DLGAP1: variants seen among roughly 807,000 people sequenced by gnomAD.
DLGAP1 encodes disks large-associated protein 1.
In DLGAP1, 11 loss-of-function variants were observed where a neutral mutation model predicts 90.8. The observed-to-expected ratio is 0.12, with a 90% confidence interval of 0.08 to 0.20. The LOEUF (loss-of-function observed/expected upper bound fraction) is 0.20. Ranked by LOEUF, DLGAP1 falls within the 10% of genes least tolerant of loss-of-function variation. The pLI is 1.00. For missense variants in DLGAP1, 1,050 were observed against 1,333.8 expected (o/e 0.79, Z 3.31); for synonymous variants, 558 against 540.7 (o/e 1.03, Z -0.44).
Position 3,526,327 on chromosome 18 carries a change from C to G in DLGAP1, c.2479+7867G>C, listed in dbSNP as rs2051615206. On this transcript the variant is annotated intron_variant, in intron 10 of 12. Coordinates refer to ENST00000315677, the MANE Select transcript of DLGAP1 (RefSeq NM_004746.4). The surrounding 1 kb of genome is among the most constrained non-coding windows in gnomAD (Gnocchi z 4.7). ...GCCGCAGAGACACAGCAGAGGCAAT[C>G]CCAGGCGGATAAACCCTGGGTGATG... Among the ~76,000 whole-genome samples the G allele has an allele frequency of 6.6e-6, 1 of 152,180 alleles. No individual in the cohort carries two copies. Among genetic ancestry groups the G allele is most frequent in the Admixed American group, 6.5e-5 (1 of 15,270 alleles).
At chr18:4,247,102 G>C (rs1362039935) in intron 1 of DLGAP1, among the ~76,000 whole-genome samples, 1 of 152,122 alleles carries the variant, frequency 6.6e-6, no homozygotes, top group Non-Finnish European at 1.5e-5. Flanking sequence ...AGGGAAGGAG[G>C]AGGAGAAGGA....
At chr18:4,113,911 A>G (rs780670979) in intron 2 of DLGAP1, among the ~76,000 whole-genome samples, 4 of 152,132 alleles carry the variant, frequency 2.6e-5, no homozygotes, top group Non-Finnish European at 4.4e-5. Flanking sequence ...GTCAAAGATC[A>G]GATGTCTGTA....
At chr18:3,715,436 A>G (rs1455140208) in intron 7 of DLGAP1, among the ~76,000 whole-genome samples, 1 of 152,210 alleles carries the variant, frequency 6.6e-6, no homozygotes, top group African/African-American at 2.4e-5. Flanking sequence ...TGTACGAGAA[A>G]GCATTATCCT....
intron 1 of DLGAP1, among the ~76,000 whole-genome samples, chr18:4,151,676 T>C (rs1274488780): frequency 1.3e-5 from 2 of 152,224 alleles, no homozygotes; most frequent in African/African-American, 4.8e-5. Context: ...ACAGTACAAC[T>C]AAGCCAGTGT....
intron 3 of DLGAP1, among the ~76,000 whole-genome samples, chr18:3,955,196 GCTCAAAGAC>G (rs931791097): frequency 6.6e-6 from 1 of 152,118 alleles, no homozygotes; most frequent in African/African-American, 2.4e-5. Context: ...TGGGTAGTGT[GCTCAAAGAC>G]CTCTTGTTTT....
chr18:4,326,402 A>G (rs1233552531), intron 1 of DLGAP1, among the ~76,000 whole-genome samples: 2 of 152,116 alleles, frequency 1.3e-5, no homozygotes, highest in African/African-American at 2.4e-5. Context: ...AGGAGTGTAA[A>G]TTAGTTCAGT....
At chr18:3,807,952 G>GT (rs2066645514) in intron 5 of DLGAP1, among the ~76,000 whole-genome samples, 2 of 152,142 alleles carry the variant, frequency 1.3e-5, no homozygotes, top group African/African-American at 4.8e-5. Flanking sequence ...TTTCTAAAGA[G>GT]TAATTATATA....
At position 3,565,564 on chromosome 18, in the gene DLGAP1, G is replaced by A. The variant is rs183451430; in HGVS notation, c.2057+1926C>T. Among the ~76,000 whole-genome samples the A allele has an allele frequency of 2.0e-4, 30 of 152,230 alleles. No individual in the cohort carries two copies. The highest frequency in any genetic ancestry group is 3.4e-3 in the Middle Eastern group (1 of 294). ...AAAGCAATGATTACCGGCCCAGCGC[G>A]GTGGCTCACGCCTGTAATCCCAGCA... On this transcript the variant is annotated intron_variant, in intron 9 of 12. Transcript: ENST00000315677. The surrounding 1 kb of genome is among the most constrained non-coding windows in gnomAD (Gnocchi z 4.0).
rs200993932 is a variant in DLGAP1 at position 4,220,266 on chromosome 18, A to G, written c.-266-68979T>C. On this transcript the variant is annotated intron_variant, in intron 1 of 12. Coordinates refer to ENST00000315677, the MANE Select transcript of DLGAP1 (RefSeq NM_004746.4). The stretch of plus-strand genomic sequence containing the variant: ...TTTCTTTACATCTGTGAACAAAGAC[A>G]GTACATAAAATCTAAATCTCTCTTT... 5.1e-3 allele frequency among the ~76,000 whole-genome samples: 596 copies of G among 116,140 alleles called. 1 individual carries two copies. The highest frequency in any genetic ancestry group is 0.014 in the African/African-American group (529 of 36,890). The allele number at this position is 116,140 out of a possible 152,430, so 76.2% of individuals were successfully genotyped here. A position where few individuals can be genotyped will look rare whatever the true frequency, so the allele number is the denominator to read the frequency against.
chr18:4,282,194 C>T (rs1370014862), intron 1 of DLGAP1, among the ~76,000 whole-genome samples: 2 of 151,928 alleles, frequency 1.3e-5, no homozygotes, highest in Non-Finnish European at 2.9e-5. Context: ...GAAACTCCGT[C>T]TCTACTAAAA....
chr18:3,511,562 A>G (rs1231455125), intron 10 of DLGAP1, among the ~76,000 whole-genome samples: 16 of 152,048 alleles, frequency 1.1e-4, no homozygotes, highest in South Asian at 2.1e-4. Flanking sequence ...GGTGGAAAAA[A>G]AAAAAACAGT....
intron 2 of DLGAP1, among the ~76,000 whole-genome samples, chr18:4,023,924 T>C (rs1011948435): frequency 6.6e-6 from 1 of 152,224 alleles, no homozygotes; most frequent in African/African-American, 2.4e-5. Context: ...ATGGATCACA[T>C]GTCTGTGTGT....
chr18:4,418,095 T>G (rs1236693735), intron 1 of DLGAP1, among the ~76,000 whole-genome samples: 1 of 152,142 alleles, frequency 6.6e-6, no homozygotes, highest in Non-Finnish European at 1.5e-5. Context: ...CTAGAGGAAT[T>G]TGAAACCTAT....
chr18:4,357,328 A>G (rs1272545219), intron 1 of DLGAP1, among the ~76,000 whole-genome samples: 2 of 150,802 alleles, frequency 1.3e-5, no homozygotes, highest in Admixed American at 6.6e-5. Flanking sequence ...TAATTTTTGT[A>G]TTTTTAGTAG....
chr18:3,841,307 C>T (rs2068702819), intron 4 of DLGAP1, among the ~76,000 whole-genome samples: 1 of 152,088 alleles, frequency 6.6e-6, no homozygotes, highest in African/African-American at 2.4e-5. Flanking sequence ...GTGAGAAAGG[C>T]TGAAAACTCC....
intron 5 of DLGAP1, among the ~76,000 whole-genome samples, chr18:3,781,723 C>T (rs2065203038): frequency 6.6e-6 from 1 of 152,122 alleles, no homozygotes; most frequent in South Asian, 2.1e-4. Flanking sequence ...CGTAAGGGGA[C>T]CTGCTGGGAG....
intron 4 of DLGAP1, among the ~76,000 whole-genome samples, chr18:3,851,837 T>C (rs2069359113): frequency 6.6e-6 from 1 of 151,576 alleles, no homozygotes; most frequent in South Asian, 2.1e-4. Context: ...TAAAAGAAGA[T>C]CACAAAGCAG....
At chr18:4,315,033 T>C (rs1408683128) in intron 1 of DLGAP1, among the ~76,000 whole-genome samples, 1 of 152,198 alleles carries the variant, frequency 6.6e-6, no homozygotes, top group Non-Finnish European at 1.5e-5. Context: ...ATTTAAAACA[T>C]TACCTATAAC....
In DLGAP1 at chr18:3,900,155, G is replaced by A. The variant is rs533427255; in HGVS notation, c.-72-20015C>T. Among the ~76,000 whole-genome samples the A allele has an allele frequency of 1.3e-3, 191 of 152,280 alleles. 1 individual carries two copies. The highest frequency in any genetic ancestry group is 2.0e-3 in the Non-Finnish European group (139 of 68,024). On this transcript the variant is annotated intron_variant, in intron 3 of 12. Coordinates refer to ENST00000315677, the MANE Select transcript of DLGAP1 (RefSeq NM_004746.4). ...CCCATAAGTAATGGAGGACTGTACCGAAGAAATGTACTCTGTACCCCAAAG... is the reference window on the plus strand; with the variant it reads ...CCCATAAGTAATGGAGGACTGTACCAAAGAAATGTACTCTGTACCCCAAAG...
Sources: gnomAD v4.1 joint callset for allele counts (sites outside exome capture counted in the v4.1 genomes callset) on GRCh38, gnomAD v4.1.1 for gene constraint, Gnocchi (gnomAD v3.1) non-coding constraint, MANE v1.5 for transcripts, NCBI Gene and HGNC (gene_info 2026-07-23, HGNC 2026-07-21) for gene names.